Variants in RIMBP2 observed in about 807,000 individuals in gnomAD.
RIMBP2 encodes the protein RIMS-binding protein 2.
RIMBP2 carries 48 observed loss-of-function variants against 118.6 expected under a neutral mutation model. The ratio of observed to expected loss-of-function variants is 0.40; its 90% CI spans 0.32 to 0.51. The LOEUF (loss-of-function observed/expected upper bound fraction) is 0.51, where lower values mean the gene tolerates loss of function less well. RIMBP2 is among the 20% of genes least tolerant of loss of function. The pLI, the probability that RIMBP2 is intolerant of heterozygous loss-of-function variation, is 0.41. For missense variants in RIMBP2, 1,551 were observed against 1,768.3 expected (o/e 0.88, Z 2.20); for synonymous variants, 762 against 742.9 (o/e 1.03, Z -0.42).
chr12:130,533,704 T>C (rs2053718348), intron 2 of RIMBP2, among the ~76,000 whole-genome samples: 1 of 152,186 alleles, frequency 6.6e-6, no homozygotes, highest in Non-Finnish European at 1.5e-5. Context: ...ATGGTATACA[T>C]ACACCATGAA....
rs537814405 is a variant in RIMBP2, at chr12:130,683,009, T to C, written c.-352+33213A>G. ...TTGTCTAATTATGTCGGAGGCGCAC[T>C]ATGTCTCATTCTTTTATCTTTAAGG... On this transcript the variant is annotated intron_variant, in intron 1 of 22. Transcript: ENST00000690449. The surrounding 1 kb of genome is among the most constrained non-coding windows in gnomAD (Gnocchi z 4.4). Among the ~76,000 whole-genome samples the C allele has an allele frequency of 3.3e-4, 51 of 152,348 alleles. No homozygotes were observed. The highest frequency in any genetic ancestry group is 1.2e-3 in the African/African-American group (50 of 41,584).
intron 2 of RIMBP2, among the ~76,000 whole-genome samples, chr12:130,609,341 A>G (rs2060368780): frequency 6.6e-6 from 1 of 152,162 alleles, no homozygotes; most frequent in African/African-American, 2.4e-5. Context: ...TGTTCTCTAC[A>G]CAACGGAATG....
chr12:130,679,832 C>G (rs1329992484), intron 1 of RIMBP2, among the ~76,000 whole-genome samples: 1 of 152,156 alleles, frequency 6.6e-6, no homozygotes, highest in East Asian at 1.9e-4. Flanking sequence ...TCACCCACCG[C>G]GGGAAGGACC....
At chr12:130,504,811 CG>C (rs2050148804) in intron 4 of RIMBP2, among the ~76,000 whole-genome samples, 1 of 152,214 alleles carries the variant, frequency 6.6e-6, no homozygotes, top group Admixed American at 6.5e-5. Context: ...CTGATCTGCA[CG>C]GATCTGCGCG....
chr12:130,686,863 C>T (rs953086889), intron 1 of RIMBP2, among the ~76,000 whole-genome samples: 1 of 152,174 alleles, frequency 6.6e-6, no homozygotes, highest in Non-Finnish European at 1.5e-5. Flanking sequence ...GAGGAAGAGG[C>T]CGCTACGAGC....
In RIMBP2 at chr12:130,679,897, G is replaced by A. The variant is rs192153702; in HGVS notation, c.-352+36325C>T. Among the ~76,000 whole-genome samples, 578 of 151,452 alleles carry A rather than the reference G, an allele frequency of 3.8e-3. 6 individuals are homozygous for A. Among genetic ancestry groups the A allele is most frequent in the African/African-American group, 0.014 (552 of 40,790 alleles). ...CGCCCGCCACGGGAAGGATCCGTGA[G>A]TGTGATCATGCAGGCAGTGTGTTCA... On this transcript the variant is annotated intron_variant, in intron 1 of 22. Coordinates refer to ENST00000690449, the MANE Select transcript of RIMBP2 (RefSeq NM_001393629.1).
intron 2 of RIMBP2, among the ~76,000 whole-genome samples, chr12:130,618,832 A>G (rs531344195): frequency 6.6e-5 from 10 of 152,354 alleles, no homozygotes; most frequent in African/African-American, 2.4e-4. Context: ...AGCTGCACCC[A>G]GTTGTACAAG....
At chr12:130,410,176 C>A (rs1382086035) in intron 19 of RIMBP2, among the ~76,000 whole-genome samples, 1 of 152,212 alleles carries the variant, frequency 6.6e-6, no homozygotes, top group Non-Finnish European at 1.5e-5. Flanking sequence ...TTGCCACCCA[C>A]ATATCGTCTT....
intron 13 of RIMBP2, among the ~76,000 whole-genome samples, chr12:130,435,108 T>C (rs1259138927): frequency 6.6e-6 from 1 of 151,720 alleles, no homozygotes; most frequent in East Asian, 1.9e-4. Context: ...TGCAGTGGCA[T>C]GATCATAGCT....
chr12:130,631,801 C>A (rs1294051763), intron 1 of RIMBP2, among the ~76,000 whole-genome samples: 1 of 152,066 alleles, frequency 6.6e-6, no homozygotes, highest in Admixed American at 6.6e-5. Flanking sequence ...AGAGACAGCA[C>A]GAGATTGTTT....
rs2074094643 is a variant in RIMBP2 at position 130,396,597 on chromosome 12, A to C, written c.*764T>G. 6.5e-6 allele frequency: 1 copy of C among 152,680 alleles called. No individual in the cohort carries two copies. The highest frequency in any genetic ancestry group is 2.4e-5 in the African/African-American group (1 of 41,472). The allele number at this position is 152,680 out of a possible 1,614,324, so 9.5% of individuals were successfully genotyped here. On this transcript the variant is annotated 3_prime_UTR_variant, in exon 23 of 23. Transcript: ENST00000690449. The stretch of plus-strand genomic sequence containing the variant: ...ATTTGGGTATGGCATTTTGACAACG[A>C]AAGTAACAGAAAACCATATGCCACA...
intron 2 of RIMBP2, among the ~76,000 whole-genome samples, chr12:130,532,610 T>C (rs2053562558): frequency 6.9e-6 from 1 of 145,346 alleles, no homozygotes; most frequent in Non-Finnish European, 1.5e-5. Context: ...TCTAATGAGA[T>C]GCGTATGCTT....
intron 11 of RIMBP2, among the ~76,000 whole-genome samples, chr12:130,441,345 G>A (rs1372146577): frequency 1.3e-5 from 2 of 151,120 alleles, no homozygotes; most frequent in South Asian, 2.1e-4. Flanking sequence ...AGGTTGCAGT[G>A]AGCTGAGATT....
At chr12:130,550,910 C>G (rs1367562352) in intron 2 of RIMBP2, among the ~76,000 whole-genome samples, 1 of 152,140 alleles carries the variant, frequency 6.6e-6, no homozygotes, top group Non-Finnish European at 1.5e-5. Flanking sequence ...CATAAGTAAT[C>G]ATGAAGTTAC....
At chr12:130,440,385 C>A (rs372891110) in intron 11 of RIMBP2, among the ~76,000 whole-genome samples, 9 of 152,306 alleles carry the variant, frequency 5.9e-5, no homozygotes, top group African/African-American at 2.2e-4. Flanking sequence ...CCTTCTTCCT[C>A]CAACACAGAC....
chr12:130,643,428 G>A (rs1184432709), intron 1 of RIMBP2, among the ~76,000 whole-genome samples: 3 of 152,208 alleles, frequency 2.0e-5, no homozygotes, highest in Admixed American at 6.5e-5. Flanking sequence ...GAAGCACAGA[G>A]ATGAAAGCCG....
Position 130,451,337 on chromosome 12 carries a change from T to A in RIMBP2, c.362A>T (p.Gln121Leu). 1 of 1,603,530 alleles carries A rather than the reference T, an allele frequency of 6.2e-7. No homozygotes were observed. The highest frequency in any genetic ancestry group is 8.5e-7 in the Non-Finnish European group (1 of 1,172,568). ...NGLATSLGKG[Q>L]ESAIGGSSAI... The stretch of plus-strand genomic sequence containing the variant: ...AGAGCTGCCTCCAATAGCGCTCTCC[T>A]GACCTGGCCACGAACATTAAAACAA... The change falls in exon 8 of 23, where the codon CAG becomes CTG. Residue 121 changes from glutamine (Q) to leucine (L), a missense_variant. By Grantham distance (113) the Gln-to-Leu change is moderately radical. Transcript: ENST00000690449.
At chr12:130,701,991 A>G (rs1379110293) in intron 1 of RIMBP2, among the ~76,000 whole-genome samples, 1 of 152,118 alleles carries the variant, frequency 6.6e-6, no homozygotes, top group Non-Finnish European at 1.5e-5. Context: ...ATGCGGCACG[A>G]AAGAGGCCCC....
In RIMBP2 at chr12:130,646,329, G is replaced by GCCTCACCACCTCCCTCACCACCTC. The variant is rs1362078391; in HGVS notation, c.-351-17897_-351-17874dup. On this transcript the variant is annotated intron_variant, in intron 1 of 22. Coordinates refer to ENST00000690449, the MANE Select transcript of RIMBP2 (RefSeq NM_001393629.1). ...TCCCTCACCACTTCCCTCTCCACCT[G>GCCTCACCACCTCCCTCACCACCTC]CCTCACCACCTCCCTCACCACCTCC... is the stretch of plus-strand genomic sequence containing the variant. Among the ~76,000 whole-genome samples the GCCTCACCACCTCCCTCACCACCTC allele has an allele frequency of 1.1e-3, 3 of 2,676 alleles. 1 individual carries two copies. Among genetic ancestry groups the GCCTCACCACCTCCCTCACCACCTC allele is most frequent in the African/African-American group, 1.2e-3 (1 of 858 alleles). 1.8% of individuals were successfully genotyped at this position (2,676 alleles called of 152,430 possible).
Sources: allele counts gnomAD v4.1 joint callset (sites outside exome capture counted in the v4.1 genomes callset), GRCh38; gene constraint gnomAD v4.1.1; non-coding constraint Gnocchi (gnomAD v3.1); transcripts MANE v1.5; gene names NCBI Gene and HGNC (gene_info 2026-07-23, HGNC 2026-07-21).